Variants in DLGAP2 observed in about 807,000 individuals in gnomAD.
DLGAP2 encodes the protein disks large-associated protein 2.
Under a neutral mutation model 100.3 loss-of-function variants are expected in DLGAP2, and 26 were observed. That is an observed-to-expected ratio of 0.26 (90% CI 0.19 to 0.36). The LOEUF is 0.36. DLGAP2 is among the 10% of genes least tolerant of loss of function. The probability of loss-of-function intolerance (pLI) is 1.00; values close to 1 mark genes in which losing one functional copy is unlikely to be tolerated. For missense variants in DLGAP2, 1,858 were observed against 1,453.2 expected, an observed-to-expected ratio of 1.28 and a Z score of -4.53; for synonymous variants, 886 against 630.1, an observed-to-expected ratio of 1.41 and a Z score of -6.08.
chr8:768,441 T>C (rs78252643), intron 1 of DLGAP2, among the ~76,000 whole-genome samples: 269 of 143,494 alleles, frequency 1.9e-3, no homozygotes, highest in East Asian at 0.014. Context: ...TTTTTTTTTT[T>C]CTGACATGAA....
At chr8:911,384 G>C (rs1336385073) in intron 2 of DLGAP2, among the ~76,000 whole-genome samples, 1 of 152,170 alleles carries the variant, frequency 6.6e-6, no homozygotes, top group African/African-American at 2.4e-5. Flanking sequence ...ATGTTGGAAA[G>C]ATGCATGCAT....
chr8:1,496,550 C>A (rs944270139), intron 3 of DLGAP2, among the ~76,000 whole-genome samples: 2 of 151,466 alleles, frequency 1.3e-5, no homozygotes, highest in African/African-American at 4.8e-5. Flanking sequence ...GACATTGAGA[C>A]GACTCATCAC....
intron 2 of DLGAP2, among the ~76,000 whole-genome samples, chr8:1,199,740 G>A (rs764272466): frequency 3.0e-4 from 46 of 152,150 alleles, no homozygotes; most frequent in Admixed American, 6.5e-4. Flanking sequence ...TTGTATCTAG[G>A]ACACTTTAGC....
At chr8:1,358,775 C>T (rs943269873) in intron 3 of DLGAP2, among the ~76,000 whole-genome samples, 3 of 152,062 alleles carry the variant, frequency 2.0e-5, no homozygotes, top group South Asian at 2.1e-4. Flanking sequence ...GTGGGCTAAG[C>T]GGGGCTGGGC....
chr8:1,082,299 C>T (rs1803838411), intron 2 of DLGAP2, among the ~76,000 whole-genome samples: 1 of 152,216 alleles, frequency 6.6e-6, no homozygotes. Flanking sequence ...AAATCTTTTA[C>T]ACATTGATTT....
At chr8:759,533 G>C (rs1821024871) in intron 1 of DLGAP2, among the ~76,000 whole-genome samples, 1 of 151,742 alleles carries the variant, frequency 6.6e-6, no homozygotes. Flanking sequence ...TCCTGGGGTT[G>C]GGACGGGTGT....
At chr8:1,566,365 C>A (rs1321180129) in intron 6 of DLGAP2, among the ~76,000 whole-genome samples, 3 of 152,210 alleles carry the variant, frequency 2.0e-5, no homozygotes, top group South Asian at 4.2e-4. Flanking sequence ...AAATATAATA[C>A]CCTACACTTT....
At chr8:924,893 G>A (rs1017911789) in intron 2 of DLGAP2, among the ~76,000 whole-genome samples, 1 of 152,072 alleles carries the variant, frequency 6.6e-6, no homozygotes, top group African/African-American at 2.4e-5. Flanking sequence ...GCCAATCCAG[G>A]TTATTCTTAC....
intron 2 of DLGAP2, among the ~76,000 whole-genome samples, chr8:1,082,761 A>G (rs1399894565): frequency 6.6e-6 from 1 of 152,234 alleles, no homozygotes; most frequent in Non-Finnish European, 1.5e-5. Flanking sequence ...AAAACCTGGT[A>G]GGAACAAAAC....
chr8:1,226,192 C>T (rs1046160910), intron 2 of DLGAP2, among the ~76,000 whole-genome samples: 4 of 152,108 alleles, frequency 2.6e-5, no homozygotes, highest in Admixed American at 1.3e-4. Flanking sequence ...TTCAGTGAAG[C>T]ACTGTTCACA....
At chr8:1,392,497 C>T (rs1241803453) in intron 3 of DLGAP2, among the ~76,000 whole-genome samples, 1 of 152,246 alleles carries the variant, frequency 6.6e-6, no homozygotes, top group East Asian at 1.9e-4. Flanking sequence ...TGCCATTGTC[C>T]TGCTGTGCCT....
chr8:1,355,983 G>T (rs1442960426), intron 3 of DLGAP2, among the ~76,000 whole-genome samples: 1 of 152,228 alleles, frequency 6.6e-6, no homozygotes, highest in South Asian at 2.1e-4. Context: ...CCAAGGCTCC[G>T]CATTTGGGTG....
chr8:876,373 C>T (rs1439814674), intron 1 of DLGAP2, among the ~76,000 whole-genome samples: 1 of 152,136 alleles, frequency 6.6e-6, no homozygotes, highest in Non-Finnish European at 1.5e-5. Flanking sequence ...ATTTTGTCTT[C>T]ATTTTTGAAG....
intron 2 of DLGAP2, among the ~76,000 whole-genome samples, chr8:1,248,252 TG>T (rs72237327): frequency 0.24 from 987 of 4,040 alleles, 276 homozygotes; most frequent in African/African-American, 0.45. Flanking sequence ...GAGATCAGTG[TG>T]GGAGTGATGG....
chr8:952,072 T>C (rs996672622), intron 2 of DLGAP2, among the ~76,000 whole-genome samples: 6 of 152,188 alleles, frequency 3.9e-5, no homozygotes, highest in African/African-American at 1.4e-4. Flanking sequence ...TCCTTTTTGG[T>C]TGAGTTTTCT....
At chr8:1,231,249 T>G (rs1337766194) in intron 2 of DLGAP2, among the ~76,000 whole-genome samples, 2 of 152,166 alleles carry the variant, frequency 1.3e-5, no homozygotes, top group Non-Finnish European at 2.9e-5. Context: ...GCTCCATATC[T>G]CTAATTGTTA....
At chr8:909,290 A>G (rs1240367290) in intron 2 of DLGAP2, among the ~76,000 whole-genome samples, 1 of 152,194 alleles carries the variant, frequency 6.6e-6, no homozygotes, top group Admixed American at 6.5e-5. Flanking sequence ...GATTTTTGCA[A>G]CTGTGTCCAT....
intron 8 of DLGAP2, among the ~76,000 whole-genome samples, chr8:1,655,500 G>A (rs1295746008): frequency 2.0e-5 from 3 of 152,198 alleles, no homozygotes; most frequent in South Asian, 2.1e-4. Context: ...TGCCTTATAC[G>A]ATGGAATGCT....
At chr8:1,274,400 A>C (rs1401270808) in intron 3 of DLGAP2, among the ~76,000 whole-genome samples, 2 of 150,948 alleles carry the variant, frequency 1.3e-5, no homozygotes, top group African/African-American at 2.4e-5. Context: ...TAAGAATATA[A>C]ACCATAAAAT....
Sources: allele counts gnomAD v4.1 joint callset (sites outside exome capture counted in the v4.1 genomes callset), GRCh38; gene constraint gnomAD v4.1.1; transcripts MANE v1.5; gene names NCBI Gene and HGNC (gene_info 2026-07-23, HGNC 2026-07-21).